NTM: variants seen among roughly 807,000 people sequenced by gnomAD.
NTM encodes IgLON family member 2.
In NTM, 13 loss-of-function variants were observed where a neutral mutation model predicts 42.1. The observed-to-expected ratio is 0.31, with a 90% confidence interval of 0.20 to 0.49. NTM has a LOEUF of 0.49. NTM is among the 20% of genes least tolerant of loss of function. The pLI is 0.99. For missense variants in NTM, 373 were observed against 452.8 expected (o/e 0.82, Z 1.60); for synonymous variants, 187 against 179.2 (o/e 1.04, Z -0.35).
At chr11:132,322,768 C>A (rs2136302745) in intron 7 of NTM, among the ~76,000 whole-genome samples, 1 of 144,424 alleles carries the variant, frequency 6.9e-6, no homozygotes, top group Non-Finnish European at 1.5e-5. Flanking sequence ...AAATTGACCA[C>A]ATAGTTGGAA....
intron 1 of NTM, among the ~76,000 whole-genome samples, chr11:131,465,116 C>T (rs1951766162): frequency 6.6e-6 from 1 of 152,208 alleles, no homozygotes; most frequent in African/African-American, 2.4e-5. Flanking sequence ...TTTGGCTTTG[C>T]TGTATGTTAG....
At chr11:131,578,143 A>G (rs1310090670) in intron 1 of NTM, among the ~76,000 whole-genome samples, 4 of 152,192 alleles carry the variant, frequency 2.6e-5, no homozygotes, top group Non-Finnish European at 4.4e-5. Context: ...AAATTTGTGC[A>G]TGACATGAAA....
intron 2 of NTM, among the ~76,000 whole-genome samples, chr11:132,015,872 G>A (rs960327899): frequency 7.2e-5 from 11 of 151,842 alleles, no homozygotes; most frequent in African/African-American, 2.7e-4. Context: ...AAGAGGGACA[G>A]TTTGACTTCC....
chr11:131,956,756 A>C (rs886458773), intron 2 of NTM, among the ~76,000 whole-genome samples: 2 of 152,196 alleles, frequency 1.3e-5, no homozygotes, highest in South Asian at 4.2e-4. Flanking sequence ...ACTGGGTGTG[A>C]GTCAATGGCC....
chr11:131,955,262 A>G (rs2061435664), intron 2 of NTM, among the ~76,000 whole-genome samples: 1 of 152,168 alleles, frequency 6.6e-6, no homozygotes, highest in Non-Finnish European at 1.5e-5. Flanking sequence ...TGATAGGTGG[A>G]AATGCCATGC....
rs757378095 is a variant in NTM, at chr11:132,170,233, G to C, written c.400+23719G>C. On this transcript the variant is annotated intron_variant, in intron 3 of 8. Coordinates refer to ENST00000683400, the MANE Select transcript of NTM (RefSeq NM_001352005.2). Reference sequence around the variant, plus strand: ...ACTCTTCATGTCACCAATAACCATAGGCCTCTAAAGAATAATACATGTTCT... The same window carrying C: ...ACTCTTCATGTCACCAATAACCATACGCCTCTAAAGAATAATACATGTTCT... Among the ~76,000 whole-genome samples, 4 of 152,106 alleles carry C rather than the reference G, an allele frequency of 2.6e-5. No individual in the cohort carries two copies. The South Asian group carries it at 6.2e-4, about 24-fold the overall frequency.
chr11:131,703,217 G>T (rs1425911565), intron 1 of NTM, among the ~76,000 whole-genome samples: 2 of 152,136 alleles, frequency 1.3e-5, no homozygotes, highest in African/African-American at 4.8e-5. Context: ...AAGACAGTAT[G>T]TAAAATACTC....
rs1565631091 is a variant in NTM, at chr11:131,852,905, T to TCCGTCCATCCATCCATCCACCCAC, written c.83-58657_83-58656insGTCCATCCATCCATCCACCCACCC. On this transcript the variant is annotated intron_variant, in intron 1 of 8. Transcript: ENST00000683400. ...GTCCATCCATCCATCCACCCACCCATCCATCCATCCATCCACCCACCCATC... is the reference window on the plus strand; with the variant it reads ...GTCCATCCATCCATCCACCCACCCATCCGTCCATCCATCCATCCACCCACCCATCCATCCATCCACCCACCCATC... Among the ~76,000 whole-genome samples the TCCGTCCATCCATCCATCCACCCAC allele has an allele frequency of 1.1e-3, 160 of 142,290 alleles. 1 individual carries two copies. Among genetic ancestry groups the TCCGTCCATCCATCCATCCACCCAC allele is most frequent in the African/African-American group, 4.4e-3 (156 of 35,298 alleles). The allele number at this position is 142,290 out of a possible 152,430, so 93.3% of individuals were successfully genotyped here.
At chr11:132,005,730 G>A (rs1338012477) in intron 2 of NTM, among the ~76,000 whole-genome samples, 1 of 152,048 alleles carries the variant, frequency 6.6e-6, no homozygotes, top group Non-Finnish European at 1.5e-5. Flanking sequence ...TTTTGAGAGA[G>A]GAAAGAGGTG....
intron 1 of NTM, among the ~76,000 whole-genome samples, chr11:131,601,650 G>A (rs925250810): frequency 2.0e-5 from 3 of 151,746 alleles, no homozygotes; most frequent in African/African-American, 7.3e-5. Context: ...GATTCCTGGA[G>A]CACAGTATGA....
At chr11:132,250,519 G>C (rs1262434746) in intron 4 of NTM, among the ~76,000 whole-genome samples, 4 of 151,412 alleles carry the variant, frequency 2.6e-5, no homozygotes, top group Non-Finnish European at 5.9e-5. Flanking sequence ...ACTAAATGTA[G>C]ACAAGACCCC....
chr11:132,205,466 C>T (rs191559707), intron 3 of NTM, among the ~76,000 whole-genome samples: 33 of 152,306 alleles, frequency 2.2e-4, no homozygotes, highest in African/African-American at 7.2e-4. Context: ...ATTATTTACA[C>T]ATTTGAATTA....
rs574267667 is a variant in NTM, at chr11:131,452,625, C to T, written c.82+81737C>T. ...GCTTTGTTTGGAGAGCCACTATCGA[C>T]ATAGACGTGTATTTTAGTCCCTATG... On this transcript the variant is annotated intron_variant, in intron 1 of 8. Coordinates refer to ENST00000683400, the MANE Select transcript of NTM (RefSeq NM_001352005.2). Among the ~76,000 whole-genome samples the T allele has an allele frequency of 6.6e-5, 10 of 152,274 alleles. No individual in the cohort carries two copies. The South Asian group carries it at 1.9e-3, about 28-fold the overall frequency.
intron 7 of NTM, among the ~76,000 whole-genome samples, chr11:132,322,156 A>C (rs2095584157): frequency 6.6e-6 from 1 of 152,100 alleles, no homozygotes; most frequent in African/African-American, 2.4e-5. Flanking sequence ...TCATAATGAC[A>C]GGATCAAATT....
In NTM at chr11:131,432,839, C is replaced by CTTTTTTTTTTTT. The variant is rs377739708; in HGVS notation, c.82+61972_82+61983dup. ...CTACAAAAGATGAAGATTTAGCATTCTTTTTTTTTTTTTTTTTTTTTTTTT... is the reference window on the plus strand; with the variant it reads ...CTACAAAAGATGAAGATTTAGCATTCTTTTTTTTTTTTTTTTTTTTTTTTTTTTTTTTTTTTT... On this transcript the variant is annotated intron_variant, in intron 1 of 8. Transcript: ENST00000683400. Among the ~76,000 whole-genome samples the CTTTTTTTTTTTT allele has an allele frequency of 1.0e-3, 69 of 68,700 alleles. 4 individuals are homozygous for CTTTTTTTTTTTT. Among genetic ancestry groups the CTTTTTTTTTTTT allele is most frequent in the African/African-American group, 1.4e-3 (23 of 16,094 alleles). The allele number at this position is 68,700 out of a possible 152,430, so 45.1% of individuals were successfully genotyped here. A position where few individuals can be genotyped will look rare whatever the true frequency, so the allele number is the denominator to read the frequency against.
intron 3 of NTM, chr11:132,147,007 C>T (rs1407030682): frequency 6.4e-6 from 1 of 155,782 alleles, no homozygotes; most frequent in Non-Finnish European, 1.4e-5. Context: ...TCACAAGCAC[C>T]TGCTTGTTTC....
At chr11:131,500,345 A>G (rs549566894) in intron 1 of NTM, among the ~76,000 whole-genome samples, 27 of 152,086 alleles carry the variant, frequency 1.8e-4, no homozygotes, top group Non-Finnish European at 2.6e-4. Context: ...TATTTATTCT[A>G]TAAATATTTA....
At chr11:132,086,985 C>T (rs1426106424) in intron 2 of NTM, among the ~76,000 whole-genome samples, 1 of 152,112 alleles carries the variant, frequency 6.6e-6, no homozygotes, top group African/African-American at 2.4e-5. Flanking sequence ...CCAAAGGAGC[C>T]TCAGAGGTTC....
intron 1 of NTM, among the ~76,000 whole-genome samples, chr11:131,900,384 T>C (rs1397493526): frequency 6.6e-6 from 1 of 152,228 alleles, no homozygotes; most frequent in Non-Finnish European, 1.5e-5. Context: ...TGGAGCTTTA[T>C]TCAAATTGCA....
Sources: allele counts gnomAD v4.1 joint callset (sites outside exome capture counted in the v4.1 genomes callset), GRCh38; gene constraint gnomAD v4.1.1; transcripts MANE v1.5; gene names NCBI Gene and HGNC (gene_info 2026-07-23, HGNC 2026-07-21).